The following MELTF variants were observed in gnomAD, a reference collection of about 807,000 sequenced individuals.
MELTF encodes the protein antigen p97 (melanoma associated) identified by monoclonal antibodies 133.2 and 96.5.
A neutral mutation model predicts 83.7 loss-of-function variants in MELTF; 67 were observed. The observed-to-expected ratio is 0.80, with a 90% CI of 0.66 to 0.98. The LOEUF (loss-of-function observed/expected upper bound fraction) is 0.98. Among genes scored for constraint, MELTF ranks in the 50% least tolerant of loss-of-function variants. The probability of loss-of-function intolerance (pLI) is 0.00; values close to 1 mark genes in which losing one functional copy is unlikely to be tolerated. For missense variants in MELTF, 1,002 were observed against 1,035.6 expected (o/e 0.97, Z 0.44); for synonymous variants, 462 against 447.6 (o/e 1.03, Z -0.41).
Position 197,024,434 on chromosome 3 carries a change from A to C in MELTF, c.356T>G (p.Val119Gly), listed in dbSNP as rs752823328. The C allele has an allele frequency of 6.2e-6, 10 of 1,609,008 alleles. No homozygotes were observed. In the Admixed American group the frequency reaches 1.7e-4, roughly 27 times the overall value. Reference protein sequence around the residue: ...AVAVVRRSSHVTIDTLKGVKS... With the variant: ...AVAVVRRSSHGTIDTLKGVKS... ...CACGCCTTTCAGGGTGTCAATGGTC[A>C]CATGGGAGCTCCTCCTGACCACAGC... is the stretch of plus-strand genomic sequence containing the variant. The change falls in exon 4 of 16, where the codon GTG (valine) becomes GGG (glycine). Residue 119 changes from valine (V) to glycine (G), a missense_variant. By Grantham distance (109) the Val-to-Gly change is moderately radical. Coordinates refer to ENST00000296350, the MANE Select transcript of MELTF (RefSeq NM_005929.6). This position sits in a 1 kb window ranked among gnomAD's most constrained non-coding sequence, Gnocchi z 5.3.
intron 3 of MELTF, among the ~76,000 whole-genome samples, chr3:197,025,328 C>G (rs1015502294): frequency 6.6e-6 from 1 of 152,364 alleles, no homozygotes; most frequent in Non-Finnish European, 1.5e-5. Flanking sequence ...CCCCGCCAAC[C>G]TGAGTAGCTC....
rs1718976391 is a variant in MELTF at position 197,006,399 on chromosome 3, G to A, written c.1938+150C>T. ...GGAGGCAGAGGGGACAGTTTCTGGAGGGATGTCCTTGCGTAAGTGAAAATC... is the reference window on the plus strand; with the variant it reads ...GGAGGCAGAGGGGACAGTTTCTGGAAGGATGTCCTTGCGTAAGTGAAAATC... On this transcript the variant is annotated intron_variant, in intron 14 of 15. Transcript: ENST00000296350. The surrounding 1 kb of genome is among the most constrained non-coding windows in gnomAD (Gnocchi z 5.4). 1.5e-6 allele frequency: 1 copy of A among 656,828 alleles called. No individual in the cohort carries two copies. Among genetic ancestry groups the A allele is most frequent in the Non-Finnish European group, 2.5e-6 (1 of 405,944 alleles). 40.7% of individuals were successfully genotyped at this position (656,828 alleles called of 1,614,324 possible).
At chr3:197,015,269 T>C (rs908422443) in intron 9 of MELTF, 96 bp downstream of exon 9, 50 of 1,372,762 alleles carry the variant, frequency 3.6e-5, no homozygotes, top group Non-Finnish European at 4.6e-5. Flanking sequence ...GACACTCTCC[T>C]CTTCCCCAGG....
Position 197,006,730 on chromosome 3 carries a change from T to C in MELTF, c.1757A>G (p.Asn586Ser). The change falls in exon 14 of 16, where the codon AAT becomes AGT. Residue 586 changes from asparagine (N) to serine (S), a missense_variant. Asn to Ser is a conservative substitution (Grantham distance 46). Coordinates refer to ENST00000296350, the MANE Select transcript of MELTF (RefSeq NM_005929.6). This position sits in a 1 kb window ranked among gnomAD's most constrained non-coding sequence, Gnocchi z 5.4. ...GAGCTCAGCAGCCCAGGGCTCGGAA[T>C]TGTGGCCTGAGGGGGGTAAAGCAGT... ...TTVFDNTNGH[N>S]SEPWAAELRS... 1.3e-6 allele frequency: 2 copies of C among 1,530,444 alleles called. No individual in the cohort carries two copies. Among genetic ancestry groups the C allele is most frequent in the Non-Finnish European group, 1.8e-6 (2 of 1,141,040 alleles). The allele number at this position is 1,530,444 out of a possible 1,614,324, so 94.8% of individuals were successfully genotyped here.
rs572278623 is a variant in MELTF, at chr3:197,023,098, A to G, written c.503T>C (p.Phe168Ser). ...CDVLKAVSDY[F>S]GGSCVPGAGE... The stretch of plus-strand genomic sequence containing the variant: ...TGCCCCCGGGACGCAGCTGCCCCCA[A>G]AATAGTCGCTGACAGCTGTGGGAAG... Residue 168 changes from phenylalanine (F) to serine (S), a missense_variant, in exon 5 of 16, where the codon TTT (phenylalanine) becomes TCT (serine). Coordinates refer to ENST00000296350, the MANE Select transcript of MELTF (RefSeq NM_005929.6). 14 of 1,613,672 alleles carry G rather than the reference A, an allele frequency of 8.7e-6. No individual in the cohort carries two copies. In the East Asian group the frequency reaches 1.3e-4, roughly 15 times the overall value.
intron 6 of MELTF, among the ~76,000 whole-genome samples, chr3:197,017,649 G>C (rs558236580): frequency 1.3e-5 from 2 of 152,086 alleles, no homozygotes; most frequent in Non-Finnish European, 2.9e-5. Flanking sequence ...AGGCCGAGGT[G>C]GGCGGATCAC....
chr3:197,005,906 TGGA>T (rs756812276), intron 14 of MELTF, among the ~76,000 whole-genome samples: 91 of 99,184 alleles, frequency 9.2e-4, no homozygotes, highest in Admixed American at 3.0e-3. Context: ...GACCACTCTT[TGGA>T]GGAGTTTTGC....
Position 197,003,815 on chromosome 3 carries a change from C to A in MELTF, c.2137+86G>T. 6.9e-7 allele frequency: 1 copy of A among 1,439,258 alleles called. No homozygotes were observed. The highest frequency in any genetic ancestry group is 9.5e-7 in the Non-Finnish European group (1 of 1,055,218). The allele number at this position is 1,439,258 out of a possible 1,614,324, so 89.2% of individuals were successfully genotyped here. A position where few individuals can be genotyped will look rare whatever the true frequency, so the allele number is the denominator to read the frequency against. On this transcript the variant is annotated intron_variant, in intron 15 of 15. Transcript: ENST00000296350. The surrounding 1 kb of genome is among the most constrained non-coding windows in gnomAD (Gnocchi z 6.2). Reference sequence around the variant, plus strand: ...ACGGGCCTCCACCCGCCTCCCCGGACCCGCAGCGCCCCCCGCTCCCTCAGG... The same window carrying A: ...ACGGGCCTCCACCCGCCTCCCCGGAACCGCAGCGCCCCCCGCTCCCTCAGG...
Position 197,007,591 on chromosome 3 carries a change from GGGCTCGTGCA to G in MELTF, c.1751-865_1751-856del, listed in dbSNP as rs1230831971. Among the ~76,000 whole-genome samples the G allele has an allele frequency of 4.6e-5, 7 of 152,214 alleles. No individual in the cohort carries two copies. The highest frequency in any genetic ancestry group is 9.6e-5 in the African/African-American group (4 of 41,452). On this transcript the variant is annotated intron_variant, in intron 13 of 15. Transcript: ENST00000296350. This position sits in a 1 kb window ranked among gnomAD's most constrained non-coding sequence, Gnocchi z 4.3. ...AGATCTGGGACCAGGCAGGCCCGCTGGGCTCGTGCAGGAGCACACAGCCCCTCCCTGGGGG... is the reference window on the plus strand; with the variant it reads ...AGATCTGGGACCAGGCAGGCCCGCTGGGAGCACACAGCCCCTCCCTGGGGG...
At chr3:197,018,724 C>T (rs1279244007) in intron 6 of MELTF, among the ~76,000 whole-genome samples, 4 of 152,190 alleles carry the variant, frequency 2.6e-5, no homozygotes, top group African/African-American at 7.2e-5. Context: ...GGATTACAGG[C>T]GTGAGGCACC....
intron 2 of MELTF, 158 bp from the exon 3 acceptor site, chr3:197,026,917 T>G (rs761203912): frequency 5.2e-6 from 3 of 581,814 alleles, no homozygotes; most frequent in Non-Finnish European, 9.2e-6. Context: ...CCCAGGGCTC[T>G]CCCCCTTTCC....
At chr3:197,004,123 C>T in intron 14 of MELTF, 24 bp from the exon 15 acceptor site, 1 of 1,613,050 alleles carries the variant, frequency 6.2e-7, no homozygotes, top group Non-Finnish European at 8.5e-7. Context: ...AGGCAGACGA[C>T]CTGCTCCTCA....
chr3:197,016,356 T>A lies in MELTF; in HGVS notation c.914A>T (p.His305Leu). The part of the protein sequence containing the change: ...LLNEGQRLFS[H>L]EGSSFQMFSS... ...GAACATCTGGAAGCTGCTGCCCTCG[T>A]GGCTGAACAGACGCTGTGTGTCAAG... Residue 305 changes from histidine to leucine, a missense_variant, in exon 8 of 16, where the codon CAC becomes CTC. Transcript: ENST00000296350. 6.3e-7 allele frequency: 1 copy of A among 1,594,226 alleles called. No homozygotes were observed. Among genetic ancestry groups the A allele is most frequent in the Non-Finnish European group, 8.5e-7 (1 of 1,170,088 alleles).
rs1488830545 is a variant in MELTF, at chr3:197,002,513, A to G, written c.*859T>C. On this transcript the variant is annotated 3_prime_UTR_variant, in exon 16 of 16. Coordinates refer to ENST00000296350, the MANE Select transcript of MELTF (RefSeq NM_005929.6). ...GGAGACGGAGCTCACCCCCGTTCGGAACCCAGAAGCATGGCGGGTCCCCAC... is the reference window on the plus strand; with the variant it reads ...GGAGACGGAGCTCACCCCCGTTCGGGACCCAGAAGCATGGCGGGTCCCCAC... The G allele has an allele frequency of 1.3e-5, 2 of 152,130 alleles. No homozygotes were observed. Among genetic ancestry groups the G allele is most frequent in the Non-Finnish European group, 2.9e-5 (2 of 68,016 alleles). The allele number at this position is 152,130 out of a possible 1,614,324, so 9.4% of individuals were successfully genotyped here. A position where few individuals can be genotyped will look rare whatever the true frequency, so the allele number is the denominator to read the frequency against.
In MELTF at chr3:197,019,713, G is replaced by A; in HGVS notation, c.712+1691C>T. On this transcript the variant is annotated intron_variant, in intron 6 of 15. Transcript: ENST00000296350. Reference sequence around the variant, plus strand: ...ATTTCCAGGCTTGCCCAGCACTAGAGCGCATCGTCCTACGTGCTTCCTCGT... The same window carrying A: ...ATTTCCAGGCTTGCCCAGCACTAGAACGCATCGTCCTACGTGCTTCCTCGT... The A allele has an allele frequency of 1.9e-6, 3 of 1,613,888 alleles. No homozygotes were observed. In the South Asian group the frequency reaches 3.3e-5, roughly 18 times the overall value.
At chr3:197,014,799 C>T (rs116055192) in intron 9 of MELTF, among the ~76,000 whole-genome samples, 4,237 of 152,224 alleles carry the variant, frequency 0.028, 105 homozygotes, top group East Asian at 0.071. Flanking sequence ...GTTCTCCACA[C>T]GGAGAAATGA....
At position 197,024,592 on chromosome 3, in the gene MELTF, G is replaced by A. The variant is rs1299736356; in HGVS notation, c.305-107C>T. 6 of 975,550 alleles carry A rather than the reference G, an allele frequency of 6.2e-6. No homozygotes were observed. The highest frequency in any genetic ancestry group is 2.6e-5 in the East Asian group (1 of 37,832). The allele number at this position is 975,550 out of a possible 1,614,324, so 60.4% of individuals were successfully genotyped here. On this transcript the variant is annotated intron_variant, in intron 3 of 15. Coordinates refer to ENST00000296350, the MANE Select transcript of MELTF (RefSeq NM_005929.6). The surrounding 1 kb of genome is among the most constrained non-coding windows in gnomAD (Gnocchi z 5.3). The stretch of plus-strand genomic sequence containing the variant: ...TGGGAGAGGTGTGTGCACGGAGCAC[G>A]GCTGTACACACGGATGTGTGCATAG...
chr3:197,012,244 G>A (rs771361088), intron 9 of MELTF, among the ~76,000 whole-genome samples: 8 of 152,166 alleles, frequency 5.3e-5, no homozygotes, highest in Non-Finnish European at 1.2e-4. Flanking sequence ...CAGGCAACGC[G>A]GTGTGGGGAG....
chr3:197,023,815 G>C (rs973251647), intron 4 of MELTF: 1 of 455,758 alleles, frequency 2.2e-6, no homozygotes, highest in African/African-American at 2.0e-5. Flanking sequence ...CAGCTGAGAG[G>C]GTGAGGCTTC....
Sources: allele counts gnomAD v4.1 joint callset (sites outside exome capture counted in the v4.1 genomes callset), GRCh38; gene constraint gnomAD v4.1.1; non-coding constraint Gnocchi (gnomAD v3.1); transcripts MANE v1.5; gene names NCBI Gene and HGNC (gene_info 2026-07-23, HGNC 2026-07-21).